The following EML6 variants were observed in gnomAD, a reference collection of about 807,000 sequenced individuals.
EML6 encodes EMAP like 6.
Under a neutral mutation model 240.1 loss-of-function variants are expected in EML6, and 154 were observed. The observed-to-expected ratio is 0.64, with a 90% CI of 0.56 to 0.73. EML6 has a LOEUF of 0.73. Ranked by LOEUF, EML6 falls within the 30% of genes least tolerant of loss-of-function variation. EML6 has a pLI of 0.00. For missense variants in EML6, 2,964 were observed against 2,474.6 expected, an observed-to-expected ratio of 1.20 and a Z score of -4.20; for synonymous variants, 1,148 against 899.0, an observed-to-expected ratio of 1.28 and a Z score of -4.95.
intron 17 of EML6, among the ~76,000 whole-genome samples, chr2:54,887,433 CTA>C (rs1383986739): frequency 1.8e-4 from 28 of 152,268 alleles, no homozygotes; most frequent in Middle Eastern, 3.4e-3. Flanking sequence ...TGAGTTTTGT[CTA>C]TAACTTGCTG....
rs763327510 is a variant in EML6 at position 54,813,196 on chromosome 2, G to T, written c.198-36G>T. ...TAAAAGGTGATCAGTGTTTTCTTCA[G>T]TTGGAAGATGTGAAAAGAAACCTTT... On this transcript the variant is annotated intron_variant, in intron 2 of 41. Coordinates refer to ENST00000356458, the MANE Select transcript of EML6 (RefSeq NM_001039753.4). The T allele has an allele frequency of 1.8e-5, 26 of 1,483,552 alleles. No individual in the cohort carries two copies. In the African/African-American group the frequency reaches 2.5e-4, roughly 14 times the overall value. The allele number at this position is 1,483,552 out of a possible 1,614,324, so 91.9% of individuals were successfully genotyped here. A position where few individuals can be genotyped will look rare whatever the true frequency, so the allele number is the denominator to read the frequency against.
At chr2:54,852,597 G>T (rs1195413916) in intron 10 of EML6, among the ~76,000 whole-genome samples, 1 of 152,136 alleles carries the variant, frequency 6.6e-6, no homozygotes, top group Non-Finnish European at 1.5e-5. Flanking sequence ...TCCTAGGACT[G>T]TATTCTCCAA....
intron 2 of EML6, among the ~76,000 whole-genome samples, chr2:54,741,939 G>T (rs1345371834): frequency 1.3e-5 from 2 of 152,156 alleles, no homozygotes; most frequent in Admixed American, 6.5e-5. Context: ...GTTGAGAAAC[G>T]TGATTTTACA....
Position 54,813,360 on chromosome 2 carries a change from T to C in EML6, c.326T>C (p.Val109Ala). ...CTTAAAGATGTCCATACACATGGAG[T>C]TGCCTGCCTGGCTTTTGACTCAGAT... ...SLLKDVHTHG[V>A]ACLAFDSDGQ... Residue 109 changes from valine to alanine, a missense_variant, in exon 3 of 42, where the codon GTT (valine) becomes GCT (alanine). Coordinates refer to ENST00000356458, the MANE Select transcript of EML6 (RefSeq NM_001039753.4). 6.4e-7 allele frequency: 1 copy of C among 1,551,650 alleles called. No individual in the cohort carries two copies. Among genetic ancestry groups the C allele is most frequent in the Non-Finnish European group, 8.7e-7 (1 of 1,146,860 alleles).
intron 2 of EML6, among the ~76,000 whole-genome samples, chr2:54,808,508 G>T (rs1360146164): frequency 6.7e-6 from 1 of 149,890 alleles, no homozygotes; most frequent in African/African-American, 2.5e-5. Context: ...TTCCTGGTGA[G>T]ACTTTTTTTT....
At position 54,806,550 on chromosome 2, in the gene EML6, T is replaced by A. The variant is rs1572928583; in HGVS notation, c.198-6682T>A. 2.3e-5 allele frequency among the ~76,000 whole-genome samples: 3 copies of A among 131,636 alleles called. No homozygotes were observed. The South Asian group carries it at 7.3e-4, about 32-fold the overall frequency. 86.4% of individuals were successfully genotyped at this position (131,636 alleles called of 152,430 possible). A position where few individuals can be genotyped will look rare whatever the true frequency, so the allele number is the denominator to read the frequency against. ...ATCGCTTGAACCTGGGAGGCGGAGG[T>A]TGCAGTGAGCTGAGATCACGCCCTT... On this transcript the variant is annotated intron_variant, in intron 2 of 41. Transcript: ENST00000356458.
At chr2:54,852,567 A>G (rs894127392) in intron 10 of EML6, among the ~76,000 whole-genome samples, 1 of 152,092 alleles carries the variant, frequency 6.6e-6, no homozygotes, top group African/African-American at 2.4e-5. Flanking sequence ...TACTGGTGGA[A>G]TTTTCTCTCC....
chr2:54,851,282 G>A (rs1212078175), intron 10 of EML6, among the ~76,000 whole-genome samples: 1 of 152,002 alleles, frequency 6.6e-6, no homozygotes, highest in Admixed American at 6.6e-5. Context: ...GCGCGGTGGC[G>A]GGCACCTGTA....
At chr2:54,885,746 G>A (rs1459143024) in intron 17 of EML6, among the ~76,000 whole-genome samples, 1 of 151,996 alleles carries the variant, frequency 6.6e-6, no homozygotes, top group Non-Finnish European at 1.5e-5. Flanking sequence ...TGAGTAGCTG[G>A]GACTACAGGC....
intron 13 of EML6, 25 bp downstream of exon 13, chr2:54,863,914 A>C: frequency 7.7e-7 from 1 of 1,290,986 alleles, no homozygotes; most frequent in Non-Finnish European, 1.1e-6. Flanking sequence ...AGCAATGAAA[A>C]TTTGTAACCC....
In EML6 at chr2:54,876,637, A is replaced by G. The variant is rs375145292; in HGVS notation, c.2345-2910A>G. Reference sequence around the variant, plus strand: ...CAAAAGAAAACATGAAATATAGTCAATGAATGCAACAAGACATTGAATATT... The same window carrying G: ...CAAAAGAAAACATGAAATATAGTCAGTGAATGCAACAAGACATTGAATATT... On this transcript the variant is annotated intron_variant, in intron 16 of 41. Coordinates refer to ENST00000356458, the MANE Select transcript of EML6 (RefSeq NM_001039753.4). Among the ~76,000 whole-genome samples the G allele has an allele frequency of 8.5e-5, 13 of 152,374 alleles. No individual in the cohort carries two copies. The East Asian group carries it at 1.7e-3, about 20-fold the overall frequency.
intron 24 of EML6, 53 bp downstream of exon 24, chr2:54,903,555 A>G (rs1673169093): frequency 5.2e-6 from 7 of 1,352,528 alleles, no homozygotes; most frequent in African/African-American, 3.0e-5. Flanking sequence ...AAAAATGTCC[A>G]TTTATGCATT....
intron 29 of EML6, among the ~76,000 whole-genome samples, chr2:54,949,375 G>T (rs907508598): frequency 6.6e-6 from 1 of 152,230 alleles, no homozygotes; most frequent in South Asian, 2.1e-4. Flanking sequence ...CCATAGCCAC[G>T]AAGCGTTTCA....
chr2:54,872,939 C>T (rs531330201), intron 16 of EML6, among the ~76,000 whole-genome samples: 15 of 152,314 alleles, frequency 9.8e-5, no homozygotes, highest in African/African-American at 3.6e-4. Flanking sequence ...CACACAGTTA[C>T]TTGTGTCAGC....
At chr2:54,917,494 G>C (rs750048800) in intron 26 of EML6, among the ~76,000 whole-genome samples, 5 of 151,752 alleles carry the variant, frequency 3.3e-5, no homozygotes, top group Admixed American at 6.6e-5. Context: ...CTCCCGAGTA[G>C]CTGGATTACA....
chr2:54,772,039 T>C (rs1347415569), intron 2 of EML6, among the ~76,000 whole-genome samples: 1 of 152,216 alleles, frequency 6.6e-6, no homozygotes, highest in Non-Finnish European at 1.5e-5. Context: ...TCTGAAATGC[T>C]TTATGCTGCA....
chr2:54,739,632 C>T (rs758984237), intron 2 of EML6, among the ~76,000 whole-genome samples: 18 of 152,304 alleles, frequency 1.2e-4, no homozygotes, highest in Non-Finnish European at 1.9e-4. Context: ...CTTGCAGTCA[C>T]GAGGGCAGGA....
At chr2:54,790,836 C>T (rs533007216) in intron 2 of EML6, among the ~76,000 whole-genome samples, 51 of 151,478 alleles carry the variant, frequency 3.4e-4, no homozygotes, top group Admixed American at 2.5e-3. Flanking sequence ...CACCATTCTC[C>T]TGCCTCAGCC....
At chr2:54,924,532 G>C (rs1674439171) in intron 26 of EML6, among the ~76,000 whole-genome samples, 1 of 151,972 alleles carries the variant, frequency 6.6e-6, no homozygotes, top group Non-Finnish European at 1.5e-5. Context: ...GAATTATTTT[G>C]ATAAAATCAC....
Sources: allele counts gnomAD v4.1 joint callset (sites outside exome capture counted in the v4.1 genomes callset), GRCh38; gene constraint gnomAD v4.1.1; transcripts MANE v1.5; gene names NCBI Gene and HGNC (gene_info 2026-07-23, HGNC 2026-07-21).